The following LRMDA variants were observed in gnomAD, a reference collection of about 807,000 sequenced individuals.
The protein encoded by LRMDA is leucine rich melanocyte differentiation associated.
Under a neutral mutation model 29.8 loss-of-function variants are expected in LRMDA, and 18 were observed. That is an observed-to-expected ratio of 0.60 (90% CI 0.42 to 0.90). The LOEUF (loss-of-function observed/expected upper bound fraction) is 0.90. LRMDA is among the 40% of genes least tolerant of loss of function. The pLI is 0.00. For missense variants in LRMDA, 273 were observed against 273.9 expected (o/e 1.00, Z 0.02); for synonymous variants, 125 against 109.4 (o/e 1.14, Z -0.89).
chr10:75,454,024 A>G (rs1348396169), intron 2 of LRMDA, among the ~76,000 whole-genome samples: 2 of 152,186 alleles, frequency 1.3e-5, no homozygotes, highest in Non-Finnish European at 1.5e-5. Context: ...TAGAAATGTC[A>G]TTGGACAAAA....
intron 2 of LRMDA, among the ~76,000 whole-genome samples, chr10:76,022,735 A>C (rs1332086894): frequency 6.6e-6 from 1 of 152,096 alleles, no homozygotes; most frequent in African/African-American, 2.4e-5. Flanking sequence ...AACCTATTTT[A>C]TTCATCCTAG....
At chr10:76,124,748 C>T (rs879864642) in intron 5 of LRMDA, among the ~76,000 whole-genome samples, 4 of 152,320 alleles carry the variant, frequency 2.6e-5, no homozygotes, top group East Asian at 1.9e-4. Context: ...CTGCTCCCCA[C>T]GTCTCTGAGA....
intron 2 of LRMDA, among the ~76,000 whole-genome samples, chr10:75,586,735 C>T (rs929712456): frequency 2.6e-5 from 4 of 151,408 alleles, no homozygotes; most frequent in African/African-American, 9.7e-5. Context: ...TGACATTGAG[C>T]ATTTTTTTTT....
At chr10:75,974,996 A>C (rs1157197909) in intron 2 of LRMDA, among the ~76,000 whole-genome samples, 1 of 152,244 alleles carries the variant, frequency 6.6e-6, no homozygotes, top group Admixed American at 6.5e-5. Context: ...ACCACCAAGT[A>C]TGTACAAGCT....
intron 6 of LRMDA, among the ~76,000 whole-genome samples, chr10:76,553,642 T>A (rs1159120851): frequency 6.6e-6 from 1 of 152,246 alleles, no homozygotes; most frequent in African/African-American, 2.4e-5. Flanking sequence ...CTGTGCTGTT[T>A]CGTGCATGTT....
chr10:76,065,442 A>G (rs1848767663), intron 5 of LRMDA, among the ~76,000 whole-genome samples: 1 of 152,230 alleles, frequency 6.6e-6, no homozygotes, highest in Non-Finnish European at 1.5e-5. Flanking sequence ...AGTAGAGACT[A>G]CTGTCCATGA....
intron 2 of LRMDA, chr10:75,451,832 G>A (rs542462781): frequency 3.6e-4 from 54 of 150,890 alleles, no homozygotes; most frequent in Non-Finnish European, 7.2e-4. Flanking sequence ...CTTTCGCTAC[G>A]TCTTGAGGAG....
At position 75,683,673 on chromosome 10, in the gene LRMDA, C is replaced by T. The variant is rs1057175161; in HGVS notation, c.131+245179C>T. Among the ~76,000 whole-genome samples the T allele has an allele frequency of 5.3e-5, 8 of 152,316 alleles. No homozygotes were observed. The South Asian group carries it at 1.7e-3, about 32-fold the overall frequency. ...TCCTTTACCTTACCTGAAAGCTGGC[C>T]AAGGCAAGCCTTATGTCTTTCTGGA... On this transcript the variant is annotated intron_variant, in intron 2 of 6. Transcript: ENST00000611255.
chr10:76,008,399 A>C (rs1589286480), intron 2 of LRMDA, among the ~76,000 whole-genome samples: 1 of 151,200 alleles, frequency 6.6e-6, no homozygotes, highest in Admixed American at 6.6e-5. Context: ...CAGTTTAAAC[A>C]CTTTTTTTTT....
chr10:76,470,999 T>G (rs1475965751), intron 6 of LRMDA, among the ~76,000 whole-genome samples: 1 of 151,856 alleles, frequency 6.6e-6, no homozygotes, highest in Non-Finnish European at 1.5e-5. Flanking sequence ...ATGTATGTAA[T>G]TATATTATTG....
chr10:75,689,767 T>G (rs1842122504), intron 2 of LRMDA, among the ~76,000 whole-genome samples: 1 of 152,190 alleles, frequency 6.6e-6, no homozygotes, highest in East Asian at 1.9e-4. Context: ...CGAGAGGTTT[T>G]CCAGTCTATC....
intron 2 of LRMDA, among the ~76,000 whole-genome samples, chr10:75,911,897 C>T (rs1270888157): frequency 6.6e-6 from 1 of 152,172 alleles, no homozygotes; most frequent in Non-Finnish European, 1.5e-5. Context: ...CACCTATGCC[C>T]TGTCAGTATT....
rs563852618 is a variant in LRMDA, at chr10:75,651,216, G to A, written c.131+212722G>A. Among the ~76,000 whole-genome samples, 31 of 152,240 alleles carry A rather than the reference G, an allele frequency of 2.0e-4. No homozygotes were observed. The South Asian group carries it at 3.7e-3, about 18-fold the overall frequency. ...GGCAAGAGACAGGATATATCCCTAA[G>A]CACCAATCATGTATACCTCATCTAC... On this transcript the variant is annotated intron_variant, in intron 2 of 6. Coordinates refer to ENST00000611255, the MANE Select transcript of LRMDA (RefSeq NM_001305581.2).
At chr10:76,511,695 T>C (rs1435832066) in intron 6 of LRMDA, among the ~76,000 whole-genome samples, 2 of 151,504 alleles carry the variant, frequency 1.3e-5, no homozygotes, top group African/African-American at 2.4e-5. Context: ...ACTTACATGG[T>C]GAAAACTCAA....
chr10:75,967,855 C>T (rs892982821), intron 2 of LRMDA, among the ~76,000 whole-genome samples: 2 of 152,088 alleles, frequency 1.3e-5, no homozygotes, highest in Non-Finnish European at 2.9e-5. Context: ...CCTTTCCCCA[C>T]ATCAGTGGAG....
chr10:76,072,860 G>T (rs1455160024), intron 5 of LRMDA, among the ~76,000 whole-genome samples: 1 of 152,242 alleles, frequency 6.6e-6, no homozygotes, highest in African/African-American at 2.4e-5. Context: ...TTCTGCTGCT[G>T]CTGTGTGTGA....
At chr10:76,338,584 C>A (rs1369327352) in intron 6 of LRMDA, among the ~76,000 whole-genome samples, 1 of 151,462 alleles carries the variant, frequency 6.6e-6, no homozygotes, top group African/African-American at 2.4e-5. Context: ...TAAGCCAGGG[C>A]AGTAAGTATG....
At chr10:76,445,215 A>G (rs1842342931) in intron 6 of LRMDA, among the ~76,000 whole-genome samples, 1 of 152,138 alleles carries the variant, frequency 6.6e-6, no homozygotes, top group Non-Finnish European at 1.5e-5. Flanking sequence ...AATAATAAAG[A>G]ACAGAAGGCT....
At chr10:75,551,185 G>T in intron 2 of LRMDA, among the ~76,000 whole-genome samples, 1 of 146,716 alleles carries the variant, frequency 6.8e-6, no homozygotes. Context: ...TTTAACCTAG[G>T]ATTTGAGGAA....
Sources: gnomAD v4.1 joint callset for allele counts (sites outside exome capture counted in the v4.1 genomes callset) on GRCh38, gnomAD v4.1.1 for gene constraint, MANE v1.5 for transcripts, NCBI Gene and HGNC (gene_info 2026-07-23, HGNC 2026-07-21) for gene names.